DNAJB4: variants seen among roughly 807,000 people sequenced by gnomAD.
The protein encoded by DNAJB4 is DnaJ heat shock protein family (Hsp40) member B4.
Under a neutral mutation model 26.6 loss-of-function variants are expected in DNAJB4, and 10 were observed. The observed-to-expected ratio is 0.38, with a 90% CI of 0.23 to 0.64. The LOEUF (loss-of-function observed/expected upper bound fraction) is 0.64. Ranked by LOEUF, DNAJB4 falls within the 30% of genes least tolerant of loss-of-function variation. The pLI is 0.58. For synonymous variants in DNAJB4, 136 were observed against 134.8 expected (o/e 1.01, Z -0.06); for missense variants, 328 against 408.2 (o/e 0.80, Z 1.69).
upstream of DNAJB4, chr1:77,979,725 A>T (rs990577804): frequency 2.0e-5 from 3 of 152,210 alleles, no homozygotes; most frequent in African/African-American, 7.2e-5. Context: ...TCTCGACCAT[A>T]TTTTAAGTTT....
intron 1 of DNAJB4, among the ~76,000 whole-genome samples, chr1:77,991,626 T>G (rs1659933142): frequency 6.6e-6 from 1 of 152,200 alleles, no homozygotes; most frequent in Admixed American, 6.5e-5. Flanking sequence ...GTTGAACAAG[T>G]CAGTGGTCTG....
chr1:77,984,944 G>A lies in DNAJB4; in HGVS notation c.-32+4622G>A, dbSNP rs145903561. On this transcript the variant is annotated intron_variant, in intron 1 of 2. Coordinates refer to the DNAJB4 transcript ENST00000426517. The stretch of plus-strand genomic sequence containing the variant: ...GATTGCTGAGTGCCTTCTACAAAGT[G>A]CCAAGATTAATTGCAGAGCCAAGAC... 3.3e-5 allele frequency among the ~76,000 whole-genome samples: 5 copies of A among 152,272 alleles called. No homozygotes were observed. In the East Asian group the frequency reaches 7.7e-4, roughly 23 times the overall value.
At chr1:77,987,936 A>AT (rs1659833397) in intron 1 of DNAJB4, among the ~76,000 whole-genome samples, 2 of 148,468 alleles carry the variant, frequency 1.3e-5, no homozygotes, top group Non-Finnish European at 3.0e-5. Flanking sequence ...ATATATATAC[A>AT]TAAAGATTTT....
chr1:77,995,464 G>A (rs1462649054), intron 1 of DNAJB4, among the ~76,000 whole-genome samples: 1 of 152,036 alleles, frequency 6.6e-6, no homozygotes, highest in African/African-American at 2.4e-5. Context: ...AGTGTTTTTG[G>A]TTTTGAGACA....
At chr1:78,015,640 G>T (rs1365200447) in intron 2 of DNAJB4, among the ~76,000 whole-genome samples, 1 of 143,866 alleles carries the variant, frequency 7.0e-6, no homozygotes, top group Non-Finnish European at 1.5e-5. Flanking sequence ...ACCTCCGCCT[G>T]CTGAGTTCAA....
chr1:78,001,120 G>A (rs1272333590), upstream of DNAJB4, among the ~76,000 whole-genome samples: 1 of 152,120 alleles, frequency 6.6e-6, no homozygotes, highest in African/African-American at 2.4e-5. Context: ...CAAGGAAGGA[G>A]GATTGTTTGA....
chr1:77,999,750 C>A (rs1660148579), intron 1 of DNAJB4, among the ~76,000 whole-genome samples: 1 of 152,120 alleles, frequency 6.6e-6, no homozygotes, highest in African/African-American at 2.4e-5. Flanking sequence ...GTTAGGTATT[C>A]AGATAATTTA....
intron 1 of DNAJB4, among the ~76,000 whole-genome samples, chr1:77,992,196 G>A (rs866325567): frequency 7.8e-4 from 118 of 151,722 alleles, no homozygotes; most frequent in African/African-American, 2.8e-3. Flanking sequence ...GGCGGATCAC[G>A]AGGTCAGGAG....
chr1:77,995,429 C>T (rs1660037752), intron 1 of DNAJB4, among the ~76,000 whole-genome samples: 1 of 152,088 alleles, frequency 6.6e-6, no homozygotes, highest in South Asian at 2.1e-4. Context: ...AACTCTAGCT[C>T]TTTTTAAAAT....
chr1:77,994,495 T>C (rs1035204836), intron 1 of DNAJB4, among the ~76,000 whole-genome samples: 4 of 151,948 alleles, frequency 2.6e-5, no homozygotes, highest in Non-Finnish European at 5.9e-5. Flanking sequence ...GCTAAGAGCC[T>C]AATAATTCAA....
At chr1:78,015,444 C>CTT (rs1421065033) in intron 2 of DNAJB4, among the ~76,000 whole-genome samples, 7 of 83,810 alleles carry the variant, frequency 8.4e-5, no homozygotes, top group Non-Finnish European at 1.5e-4. Flanking sequence ...CTTTTCTTTT[C>CTT]TTCTTCTTTT....
intron 1 of DNAJB4, 68 bp downstream of exon 1, chr1:78,005,389 C>A: frequency 7.8e-7 from 1 of 1,287,034 alleles, no homozygotes; most frequent in Non-Finnish European, 1.1e-6. Flanking sequence ...TCTCTCTCTG[C>A]CAGCCTTTTT....
In DNAJB4 at chr1:78,010,981, A is replaced by G. The variant is rs80040254; in HGVS notation, c.212-2070A>G. Among the ~76,000 whole-genome samples, 27 of 152,308 alleles carry G rather than the reference A, an allele frequency of 1.8e-4. No homozygotes were observed. In the East Asian group the frequency reaches 4.6e-3, roughly 26 times the overall value. ...AAAATAAATATATTTCCTGCCTTCA[A>G]ATCACTCACTGTTTGGAGATATTAG... On this transcript the variant is annotated intron_variant, in intron 1 of 2. Transcript: ENST00000370763.
chr1:77,988,754 T>A (rs1263564145), intron 1 of DNAJB4, among the ~76,000 whole-genome samples: 1 of 152,204 alleles, frequency 6.6e-6, no homozygotes, highest in Non-Finnish European at 1.5e-5. Flanking sequence ...TTTTCTTAGC[T>A]TTTATCACCG....
intron 1 of DNAJB4, among the ~76,000 whole-genome samples, chr1:77,994,993 C>G (rs886584329): frequency 6.6e-6 from 1 of 152,036 alleles, no homozygotes; most frequent in African/African-American, 2.4e-5. Flanking sequence ...GATTATAGTA[C>G]TGCCGACTAG....
chr1:78,005,472 G>A lies in DNAJB4; in HGVS notation c.211+151G>A, dbSNP rs957861824. 19 of 661,160 alleles carry A rather than the reference G, an allele frequency of 2.9e-5. No individual in the cohort carries two copies. In the African/African-American group the frequency reaches 3.1e-4, roughly 11 times the overall value. 41.0% of individuals were successfully genotyped at this position (661,160 alleles called of 1,614,324 possible). ...TCATATCAAAAGTAGAAGGACAAAT[G>A]TATAATAACAAGGTTTCATCTCTGA... On this transcript the variant is annotated intron_variant, in intron 1 of 2. Coordinates refer to ENST00000370763, the MANE Select transcript of DNAJB4 (RefSeq NM_007034.5).
chr1:77,980,202 A>G (rs902234333), exon 1 of DNAJB4: 7 of 152,084 alleles, frequency 4.6e-5, no homozygotes, highest in African/African-American at 1.7e-4. Flanking sequence ...CTCTTAAGTT[A>G]AGAACAGCAT....
chr1:77,998,019 C>T (rs993880340), intron 1 of DNAJB4, among the ~76,000 whole-genome samples: 3 of 152,188 alleles, frequency 2.0e-5, no homozygotes, highest in Non-Finnish European at 4.4e-5. Context: ...AAGTGATCTG[C>T]AGTCCTTAGC....
At chr1:78,013,956 A>G (rs1250291909) in intron 2 of DNAJB4, among the ~76,000 whole-genome samples, 1 of 152,076 alleles carries the variant, frequency 6.6e-6, no homozygotes, top group Non-Finnish European at 1.5e-5. Context: ...ATGGAGTAAT[A>G]ATTGCATACC....
Sources: allele counts gnomAD v4.1 joint callset (sites outside exome capture counted in the v4.1 genomes callset), GRCh38; gene constraint gnomAD v4.1.1; transcripts MANE v1.5; gene names NCBI Gene and HGNC (gene_info 2026-07-23, HGNC 2026-07-21).